Variants in CDH22 observed in about 807,000 individuals in gnomAD.
The protein encoded by CDH22 is cadherin-22.
In CDH22, 30 loss-of-function variants were observed where a neutral mutation model predicts 58.4. That is an observed-to-expected ratio of 0.51 (90% CI 0.38 to 0.70). The LOEUF is 0.70. CDH22 is among the 30% of genes least tolerant of loss of function. The probability of loss-of-function intolerance (pLI) is 0.00; values close to 1 mark genes in which losing one functional copy is unlikely to be tolerated. For synonymous variants in CDH22, 513 were observed against 558.2 expected (o/e 0.92, Z 1.14); for missense variants, 1,014 against 1,233.9 (o/e 0.82, Z 2.67).
chr20:46,190,326 G>A (rs979721310), intron 8 of CDH22, among the ~76,000 whole-genome samples: 11 of 152,076 alleles, frequency 7.2e-5, no homozygotes, highest in African/African-American at 2.2e-4. Context: ...CAGCCCTAGC[G>A]GAGTCAGCAG....
At chr20:46,255,031 T>A (rs1788278979) in intron 1 of CDH22, among the ~76,000 whole-genome samples, 2 of 152,178 alleles carry the variant, frequency 1.3e-5, no homozygotes. Context: ...ATTTTATTTA[T>A]TTATTTTTGA....
intron 1 of CDH22, among the ~76,000 whole-genome samples, chr20:46,290,780 G>A (rs1414089068): frequency 6.6e-6 from 1 of 152,156 alleles, no homozygotes; most frequent in Non-Finnish European, 1.5e-5. Context: ...CAGGGTGGGA[G>A]CTGGTGAAAG....
chr20:46,174,558 A>C lies in CDH22; in HGVS notation c.2435T>G (p.Leu812Arg). ...LSSWGPRFRP[L>R]AALYAGHRGD... ...GCGGTGGCCGGCGTAGAGCGCGGCC[A>C]GGGGCCGGAAGCGCGGACCCCAGCT... is the stretch of plus-strand genomic sequence containing the variant. The change falls in exon 12 of 12, where the codon CTG becomes CGG. Residue 812 changes from leucine to arginine, a missense_variant. Around this residue, in one of 2 missense-constraint regions of CDH22, gnomAD observed 208 missense variants for 195.2 expected, o/e 1.07. Transcript: ENST00000537909. The surrounding 1 kb of genome is among the most constrained non-coding windows in gnomAD (Gnocchi z 4.4). 1 of 1,526,250 alleles carries C rather than the reference A, an allele frequency of 6.6e-7. No individual in the cohort carries two copies. Among genetic ancestry groups the C allele is most frequent in the Non-Finnish European group, 8.8e-7 (1 of 1,142,436 alleles). 94.5% of individuals were successfully genotyped at this position (1,526,250 alleles called of 1,614,324 possible). A position where few individuals can be genotyped will look rare whatever the true frequency, so the allele number is the denominator to read the frequency against.
intron 1 of CDH22, among the ~76,000 whole-genome samples, chr20:46,271,409 T>C (rs879916985): frequency 8.5e-5 from 13 of 152,206 alleles, no homozygotes; most frequent in Admixed American, 2.6e-4. Context: ...GGCATCAGCA[T>C]TTAAACGTGC....
intron 8 of CDH22, among the ~76,000 whole-genome samples, chr20:46,188,424 TTGG>T (rs2085841612): frequency 2.6e-5 from 4 of 152,156 alleles, no homozygotes; most frequent in Admixed American, 1.3e-4. Context: ...CGTTCCATTA[TTGG>T]AACGCTAAGC....
intron 2 of CDH22, among the ~76,000 whole-genome samples, chr20:46,246,502 C>G (rs2425798): frequency 0.93 from 141,119 of 152,244 alleles, 65,582 homozygotes; most frequent in Middle Eastern, 0.96. Context: ...GTTCGGAAAA[C>G]GGATTAGTCA....
At position 46,259,138 on chromosome 20, in the gene CDH22, C is replaced by A. The variant is rs140360211; in HGVS notation, c.-399-7445G>T. Among the ~76,000 whole-genome samples, 257 of 152,294 alleles carry A rather than the reference C, an allele frequency of 1.7e-3. 1 individual carries two copies. The highest frequency in any genetic ancestry group is 0.014 in the Middle Eastern group (4 of 294). On this transcript the variant is annotated intron_variant, in intron 1 of 11. Coordinates refer to ENST00000537909, the MANE Select transcript of CDH22 (RefSeq NM_021248.3). ...TTCCACAAACTCTTACAGAACATTC[C>A]CTAATGAGCCAGACAGACCGTTAGG...
At chr20:46,237,332 C>T (rs1295388295) in intron 3 of CDH22, among the ~76,000 whole-genome samples, 1 of 152,142 alleles carries the variant, frequency 6.6e-6, no homozygotes, top group Non-Finnish European at 1.5e-5. Context: ...GGCACACTTC[C>T]CTTCCCTTTT....
chr20:46,288,342 T>C (rs2086585255), intron 1 of CDH22, among the ~76,000 whole-genome samples: 1 of 152,248 alleles, frequency 6.6e-6, no homozygotes, highest in African/African-American at 2.4e-5. Context: ...GCTCCTTCAG[T>C]TTCCTCTGCT....
intron 1 of CDH22, among the ~76,000 whole-genome samples, chr20:46,297,933 C>T (rs968224455): frequency 6.6e-6 from 1 of 152,104 alleles, no homozygotes; most frequent in Admixed American, 6.5e-5. Flanking sequence ...CCCTCACCTT[C>T]GTCCTCTGCT....
intron 5 of CDH22, 28 bp from the exon 6 acceptor site, chr20:46,213,216 A>G (rs1278506312): frequency 6.2e-7 from 1 of 1,604,346 alleles, no homozygotes; most frequent in Non-Finnish European, 8.5e-7. Flanking sequence ...ATGAGCAGGG[A>G]TGAAGGCAGC....
intron 4 of CDH22, among the ~76,000 whole-genome samples, chr20:46,226,084 G>A (rs373814222): frequency 1.3e-5 from 2 of 151,732 alleles, no homozygotes; most frequent in African/African-American, 4.8e-5. Flanking sequence ...CCACCCTCTC[G>A]ACGTCACCTC....
At chr20:46,295,913 C>A (rs1019487735) in intron 1 of CDH22, among the ~76,000 whole-genome samples, 3 of 152,182 alleles carry the variant, frequency 2.0e-5, no homozygotes, top group Non-Finnish European at 4.4e-5. Context: ...CAGTCGTGTG[C>A]TGCCACTCTT....
intron 3 of CDH22, among the ~76,000 whole-genome samples, chr20:46,236,321 C>T (rs1436641013): frequency 7.3e-5 from 11 of 151,476 alleles, no homozygotes; most frequent in Non-Finnish European, 1.5e-4. Flanking sequence ...TCACAGAGCT[C>T]CTTGGTTCCC....
intron 11 of CDH22, among the ~76,000 whole-genome samples, chr20:46,175,485 T>A (rs2085731624): frequency 6.6e-6 from 1 of 152,094 alleles, no homozygotes; most frequent in African/African-American, 2.4e-5. Flanking sequence ...GTGAAAGATG[T>A]CCTTCACCCT....
chr20:46,257,128 C>A (rs1342612432), intron 1 of CDH22, among the ~76,000 whole-genome samples: 2 of 150,774 alleles, frequency 1.3e-5, no homozygotes, highest in Non-Finnish European at 2.9e-5. Context: ...GGGAACATGG[C>A]AAAACCCTGT....
chr20:46,213,439 A>G (rs1048472508), intron 5 of CDH22, among the ~76,000 whole-genome samples: 4 of 152,184 alleles, frequency 2.6e-5, no homozygotes, highest in African/African-American at 9.7e-5. Flanking sequence ...AAATGCCTGC[A>G]GTTCTTTGGG....
In CDH22 at chr20:46,200,005, G is replaced by A. The variant is rs528848739; in HGVS notation, c.1287-446C>T. On this transcript the variant is annotated intron_variant, in intron 7 of 11. Transcript: ENST00000537909. Reference sequence around the variant, plus strand: ...ACTTATTTTTTGGAGATGGAGTCTCGCACTTTCGCCCAGGCTGGAGTGCAA... The same window carrying A: ...ACTTATTTTTTGGAGATGGAGTCTCACACTTTCGCCCAGGCTGGAGTGCAA... Among the ~76,000 whole-genome samples the A allele has an allele frequency of 4.0e-5, 6 of 148,180 alleles. No homozygotes were observed. The East Asian group carries it at 8.0e-4, about 20-fold the overall frequency.
rs1334576993 is a variant in CDH22 at position 46,210,864 on chromosome 20, C to A, written c.1033-304G>T. ...GGCGGCATATTTCATTAGTTTAGTT[C>A]ACGAACACAAAGCACCTACTGTGTG... On this transcript the variant is annotated intron_variant, in intron 6 of 11. Coordinates refer to ENST00000537909, the MANE Select transcript of CDH22 (RefSeq NM_021248.3). This position sits in a 1 kb window ranked among gnomAD's most constrained non-coding sequence, Gnocchi z 4.5. Among the ~76,000 whole-genome samples, 3 of 152,198 alleles carry A rather than the reference C, an allele frequency of 2.0e-5. No individual in the cohort carries two copies. The highest frequency in any genetic ancestry group is 4.4e-5 in the Non-Finnish European group (3 of 68,038).
Sources: allele counts gnomAD v4.1 joint callset (sites outside exome capture counted in the v4.1 genomes callset), GRCh38; gene constraint gnomAD v4.1.1; regional missense constraint gnomAD v4.1.1; non-coding constraint Gnocchi (gnomAD v3.1); transcripts MANE v1.5; gene names NCBI Gene and HGNC (gene_info 2026-07-23, HGNC 2026-07-21).